C8orf34: variants seen among roughly 807,000 people sequenced by gnomAD.
C8orf34 encodes uncharacterized protein C8orf34.
Under a neutral mutation model 68.3 loss-of-function variants are expected in C8orf34, and 65 were observed. The observed-to-expected ratio is 0.95, with a 90% confidence interval of 0.78 to 1.17. The LOEUF (loss-of-function observed/expected upper bound fraction) is 1.17, where lower values mean the gene tolerates loss of function less well. Among genes scored for constraint, C8orf34 ranks in the 50% most tolerant of loss-of-function variants. C8orf34 has a pLI of 0.00. For missense variants in C8orf34, 664 were observed against 655.4 expected, an observed-to-expected ratio of 1.01 and a Z score of -0.14; for synonymous variants, 244 against 241.2, an observed-to-expected ratio of 1.01 and a Z score of -0.11.
chr8:68,509,798 T>A (rs1483339282), intron 5 of C8orf34, among the ~76,000 whole-genome samples: 1 of 152,094 alleles, frequency 6.6e-6, no homozygotes, highest in Non-Finnish European at 1.5e-5. Context: ...CCCTCTTTCA[T>A]CCTTGCATGC....
At chr8:68,453,023 ATTC>A (rs926195263) in intron 3 of C8orf34, among the ~76,000 whole-genome samples, 6 of 152,040 alleles carry the variant, frequency 3.9e-5, no homozygotes, top group Admixed American at 2.6e-4. Context: ...TGAAAATACT[ATTC>A]TTTCCTCATT....
intron 7 of C8orf34, among the ~76,000 whole-genome samples, chr8:68,617,428 G>C (rs1464016846): frequency 2.6e-5 from 4 of 152,192 alleles, no homozygotes; most frequent in Non-Finnish European, 5.9e-5. Context: ...GGTACTGGTT[G>C]TTCCTTTCCA....
intron 1 of C8orf34, among the ~76,000 whole-genome samples, chr8:68,370,972 T>TA (rs988880752): frequency 1.3e-5 from 2 of 152,124 alleles, no homozygotes; most frequent in Non-Finnish European, 1.5e-5. Context: ...ATCTGACTCT[T>TA]AAAAAAAGTG....
At chr8:68,759,838 G>C (rs1822974165) in intron 10 of C8orf34, among the ~76,000 whole-genome samples, 1 of 152,158 alleles carries the variant, frequency 6.6e-6, no homozygotes, top group Non-Finnish European at 1.5e-5. Context: ...TCTAGGCTTA[G>C]TGCATCCATT....
intron 5 of C8orf34, among the ~76,000 whole-genome samples, chr8:68,500,036 T>G (rs1813699000): frequency 6.6e-6 from 1 of 152,182 alleles, no homozygotes; most frequent in Admixed American, 6.5e-5. Flanking sequence ...TCTGGCCATG[T>G]GAAATGGTGG....
At chr8:68,533,632 G>A (rs1435295909) in intron 7 of C8orf34, 7 of 984,384 alleles carry the variant, frequency 7.1e-6, no homozygotes, top group Non-Finnish European at 6.0e-6. Flanking sequence ...CGTAAATGAC[G>A]GGAAAGTTTG....
At chr8:68,653,466 A>C (rs1331368747) in intron 8 of C8orf34, among the ~76,000 whole-genome samples, 1 of 152,182 alleles carries the variant, frequency 6.6e-6, no homozygotes, top group Non-Finnish European at 1.5e-5. Context: ...GTTTTTAGCT[A>C]CTGTCTTAAT....
intron 7 of C8orf34, among the ~76,000 whole-genome samples, chr8:68,548,490 C>G (rs974952249): frequency 6.6e-6 from 1 of 151,770 alleles, no homozygotes; most frequent in Non-Finnish European, 1.5e-5. Flanking sequence ...GATGCCACTT[C>G]CTACCAGCTA....
At chr8:68,508,690 T>C (rs141753538) in intron 5 of C8orf34, among the ~76,000 whole-genome samples, 14 of 152,262 alleles carry the variant, frequency 9.2e-5, no homozygotes, top group Middle Eastern at 3.4e-3. Context: ...CTGTTCCAAA[T>C]GTTTTGCATC....
chr8:68,366,308 A>T (rs965765103), intron 1 of C8orf34, among the ~76,000 whole-genome samples: 8 of 134,268 alleles, frequency 6.0e-5, no homozygotes, highest in African/African-American at 2.2e-4. Context: ...ATATTGTGAA[A>T]ATGGCCATAC....
At chr8:68,616,124 A>G (rs1235340931) in intron 7 of C8orf34, among the ~76,000 whole-genome samples, 2 of 150,904 alleles carry the variant, frequency 1.3e-5, no homozygotes, top group Non-Finnish European at 2.9e-5. Context: ...TTTCTGTGGG[A>G]TCGGTGGTGA....
intron 10 of C8orf34, among the ~76,000 whole-genome samples, chr8:68,737,057 A>G (rs1487451244): frequency 1.3e-5 from 2 of 152,092 alleles, no homozygotes; most frequent in Non-Finnish European, 2.9e-5. Context: ...GTGTCAGTAC[A>G]ACTATAAGTA....
intron 2 of C8orf34, among the ~76,000 whole-genome samples, chr8:68,444,070 T>C (rs1278521672): frequency 6.6e-6 from 1 of 152,188 alleles, no homozygotes; most frequent in African/African-American, 2.4e-5. Context: ...CATTTGGCAT[T>C]GTGTTTGCTT....
chr8:68,640,642 T>C (rs1818978973), intron 8 of C8orf34, 131 bp downstream of exon 8: 1 of 902,372 alleles, frequency 1.1e-6, no homozygotes, highest in Non-Finnish European at 1.6e-6. Context: ...GTGCTAATAT[T>C]GGCAAGGGAG....
intron 7 of C8orf34, among the ~76,000 whole-genome samples, chr8:68,589,409 A>T (rs1456010277): frequency 2.0e-5 from 3 of 151,516 alleles, no homozygotes; most frequent in Non-Finnish European, 4.4e-5. Context: ...AAGAGAGAAA[A>T]TAAGAGGTGG....
intron 12 of C8orf34, among the ~76,000 whole-genome samples, chr8:68,810,275 G>A (rs1463570084): frequency 1.3e-5 from 2 of 152,198 alleles, no homozygotes; most frequent in Non-Finnish European, 2.9e-5. Flanking sequence ...CATGCTGGCT[G>A]CGGCAGGGCA....
At chr8:68,505,415 G>C (rs1038786462) in intron 5 of C8orf34, among the ~76,000 whole-genome samples, 9 of 152,110 alleles carry the variant, frequency 5.9e-5, no homozygotes, top group African/African-American at 2.2e-4. Flanking sequence ...TCTTTTGATT[G>C]CTTTCATTTT....
intron 7 of C8orf34, among the ~76,000 whole-genome samples, chr8:68,564,534 T>C (rs916504602): frequency 4.6e-5 from 7 of 152,108 alleles, no homozygotes; most frequent in African/African-American, 1.7e-4. Flanking sequence ...CCTATGTGGG[T>C]AGGACACAGA....
At chr8:68,359,710 G>A (rs912118842) in intron 1 of C8orf34, among the ~76,000 whole-genome samples, 41 of 152,130 alleles carry the variant, frequency 2.7e-4, no homozygotes, top group African/African-American at 8.2e-4. Flanking sequence ...TGGATAGTGC[G>A]TGCTACCTGG....
Sources: gnomAD v4.1 joint callset for allele counts (sites outside exome capture counted in the v4.1 genomes callset) on GRCh38, gnomAD v4.1.1 for gene constraint, MANE v1.5 for transcripts, NCBI Gene and HGNC (gene_info 2026-07-23, HGNC 2026-07-21) for gene names.